The following STPG4 variants were observed in gnomAD, a reference collection of about 807,000 sequenced individuals.
STPG4 encodes protein STPG4.
A neutral mutation model predicts 31.5 loss-of-function variants in STPG4; 41 were observed. That is an observed-to-expected ratio of 1.30 (90% confidence interval 1.01 to 1.69). The LOEUF (loss-of-function observed/expected upper bound fraction) is 1.69. Ranked by LOEUF, STPG4 falls within the 40% of genes most tolerant of loss-of-function variation. The pLI is 0.00. For missense variants in STPG4, 375 were observed against 293.4 expected, an observed-to-expected ratio of 1.28 and a Z score of -2.03; for synonymous variants, 141 against 103.0, an observed-to-expected ratio of 1.37 and a Z score of -2.24.
At chr2:47,153,698 C>T (rs13036098) in intron 1 of STPG4, among the ~76,000 whole-genome samples, 4,258 of 152,204 alleles carry the variant, frequency 0.028, 85 homozygotes, top group African/African-American at 0.055. Flanking sequence ...ACTTGAACTC[C>T]GTAGGCAGAG....
intron 3 of STPG4, among the ~76,000 whole-genome samples, chr2:47,137,834 G>A (rs1417057138): frequency 6.6e-6 from 1 of 151,998 alleles, no homozygotes; most frequent in African/African-American, 2.4e-5. Context: ...CCTCTTTTGT[G>A]TCTAATATTA....
At chr2:47,124,888 C>T (rs886807181) in intron 5 of STPG4, among the ~76,000 whole-genome samples, 1 of 152,198 alleles carries the variant, frequency 6.6e-6, no homozygotes, top group Non-Finnish European at 1.5e-5. Context: ...TTCTCACCAA[C>T]AGTGTACAAG....
At chr2:47,091,345 G>T (rs1189882041) in intron 5 of STPG4, among the ~76,000 whole-genome samples, 1 of 152,176 alleles carries the variant, frequency 6.6e-6, no homozygotes. Flanking sequence ...AAAGAAGAAA[G>T]GAGAGTGGTT....
intron 3 of STPG4, among the ~76,000 whole-genome samples, chr2:47,147,627 A>G (rs970005425): frequency 6.6e-6 from 1 of 152,146 alleles, no homozygotes; most frequent in African/African-American, 2.4e-5. Context: ...TTGAAAGATC[A>G]TCTATGTGTG....
At chr2:47,110,139 T>G (rs1007836859) in intron 5 of STPG4, among the ~76,000 whole-genome samples, 1 of 152,208 alleles carries the variant, frequency 6.6e-6, no homozygotes, top group Non-Finnish European at 1.5e-5. Flanking sequence ...CTGCAAAGAA[T>G]CTGCTTAGTA....
chr2:47,150,442 T>G (rs1037540509), intron 3 of STPG4, among the ~76,000 whole-genome samples: 2 of 152,008 alleles, frequency 1.3e-5, no homozygotes, highest in African/African-American at 4.8e-5. Context: ...ATGCTACAAA[T>G]GAACTGGTGG....
chr2:47,095,955 GA>G (rs1222049143), intron 5 of STPG4, among the ~76,000 whole-genome samples: 1 of 152,166 alleles, frequency 6.6e-6, no homozygotes, highest in Non-Finnish European at 1.5e-5. Flanking sequence ...CATGAGGATG[GA>G]AGCCATGCTC....
At chr2:47,097,550 G>C (rs961971206) in intron 5 of STPG4, among the ~76,000 whole-genome samples, 2 of 152,110 alleles carry the variant, frequency 1.3e-5, no homozygotes, top group Non-Finnish European at 2.9e-5. Flanking sequence ...AGACAGGAAG[G>C]ATGCTGCTTT....
intron 2 of STPG4, among the ~76,000 whole-genome samples, chr2:47,152,200 ATG>A (rs10534768): frequency 0.83 from 125,223 of 151,746 alleles, 52,342 homozygotes; most frequent in South Asian, 0.92. Context: ...TGCTTAGCCA[ATG>A]TAGGATGTTT....
At chr2:47,129,905 A>C (rs771711455) in intron 5 of STPG4, 36 bp downstream of exon 5, 1 of 1,600,574 alleles carries the variant, frequency 6.2e-7, no homozygotes, top group Non-Finnish European at 8.5e-7. Flanking sequence ...TTAAACATCA[A>C]ATTCATCATG....
At chr2:47,132,164 GA>G (rs56055267) in intron 3 of STPG4, among the ~76,000 whole-genome samples, 57,019 of 139,030 alleles carry the variant, frequency 0.41, 11,441 homozygotes, top group Admixed American at 0.44. Context: ...GACTCACTCT[GA>G]AAAAAAAAAA....
intron 5 of STPG4, among the ~76,000 whole-genome samples, chr2:47,121,893 C>T (rs1686279621): frequency 8.2e-6 from 1 of 122,586 alleles, no homozygotes; most frequent in Non-Finnish European, 1.7e-5. Flanking sequence ...TGTGTGTAAT[C>T]TCATTCTTCC....
intron 5 of STPG4, among the ~76,000 whole-genome samples, chr2:47,126,140 T>G (rs914214152): frequency 1.7e-4 from 26 of 152,226 alleles, no homozygotes; most frequent in African/African-American, 6.0e-4. Flanking sequence ...TAGTATAATT[T>G]GAAGTCAGGT....
At chr2:47,150,825 G>C (rs983253370) in intron 3 of STPG4, among the ~76,000 whole-genome samples, 2 of 151,942 alleles carry the variant, frequency 1.3e-5, no homozygotes, top group Non-Finnish European at 2.9e-5. Context: ...ATTTCTATAA[G>C]AAAAGTTTTT....
chr2:47,088,386 G>C (rs551665005), intron 6 of STPG4, among the ~76,000 whole-genome samples: 1 of 152,314 alleles, frequency 6.6e-6, no homozygotes, highest in East Asian at 1.9e-4. Context: ...CTTGAAGTCC[G>C]AAGGCATTTG....
At chr2:47,100,212 G>A (rs1438372760) in intron 5 of STPG4, among the ~76,000 whole-genome samples, 2 of 152,166 alleles carry the variant, frequency 1.3e-5, no homozygotes, top group Admixed American at 6.5e-5. Flanking sequence ...TGGTGGGGAC[G>A]TGGAGAACCT....
At chr2:47,152,170 A>G (rs1201944336) in intron 2 of STPG4, among the ~76,000 whole-genome samples, 2 of 150,166 alleles carry the variant, frequency 1.3e-5, no homozygotes, top group Non-Finnish European at 3.0e-5. Context: ...CTCTTGGCTA[A>G]CTAGAAGCTA....
chr2:47,150,636 T>C (rs1686915606), intron 3 of STPG4, among the ~76,000 whole-genome samples: 1 of 144,314 alleles, frequency 6.9e-6, no homozygotes, highest in Admixed American at 7.4e-5. Flanking sequence ...CTGCCCTGGC[T>C]TCCCAAGTAG....
intron 6 of STPG4, among the ~76,000 whole-genome samples, chr2:47,087,367 AG>A (rs1204522315): frequency 6.6e-6 from 1 of 152,242 alleles, no homozygotes; most frequent in East Asian, 1.9e-4. Context: ...GGCCAGGCCA[AG>A]CCAGGGGCCA....
Sources: allele counts gnomAD v4.1 joint callset (sites outside exome capture counted in the v4.1 genomes callset), GRCh38; gene constraint gnomAD v4.1.1; transcripts MANE v1.5; gene names NCBI Gene and HGNC (gene_info 2026-07-23, HGNC 2026-07-21).